FRYL: variants seen among roughly 807,000 people sequenced by gnomAD.
FRYL encodes FRY like transcription coactivator.
FRYL carries 150 observed loss-of-function variants against 351.2 expected under a neutral mutation model. The ratio of observed to expected loss-of-function variants is 0.43; its 90% CI spans 0.37 to 0.49. The LOEUF (loss-of-function observed/expected upper bound fraction) is 0.49, where lower values mean the gene tolerates loss of function less well. Ranked by LOEUF, FRYL falls within the 20% of genes least tolerant of loss-of-function variation. FRYL has a pLI of 0.00. For synonymous variants in FRYL, 1,153 were observed against 1,257.1 expected, an observed-to-expected ratio of 0.92 and a Z score of 1.75; for missense variants, 3,036 against 3,619.3, an observed-to-expected ratio of 0.84 and a Z score of 4.13.
At chr4:48,744,085 T>A (rs1316580727) in intron 1 of FRYL, among the ~76,000 whole-genome samples, 1 of 152,144 alleles carries the variant, frequency 6.6e-6, no homozygotes, top group Non-Finnish European at 1.5e-5. Context: ...GGTCAGTAAA[T>A]GTATTTACTA....
chr4:48,647,758 A>G (rs776586), intron 3 of FRYL, among the ~76,000 whole-genome samples: 144,239 of 152,272 alleles, frequency 0.95, 68,426 homozygotes, highest in South Asian at 0.98. Context: ...ATCATGAAAA[A>G]TTCACGTTGT....
At chr4:48,583,402 C>T (rs574879467) in intron 19 of FRYL, among the ~76,000 whole-genome samples, 8 of 152,212 alleles carry the variant, frequency 5.3e-5, no homozygotes, top group South Asian at 2.1e-4. Flanking sequence ...CTGCCCGCCT[C>T]GGCCTCCCAA....
At chr4:48,556,919 C>G (rs1482042456) in intron 35 of FRYL, 59 bp downstream of exon 35, 1 of 1,404,208 alleles carries the variant, frequency 7.1e-7, no homozygotes, top group Admixed American at 2.0e-5. Context: ...ACTCTGACAT[C>G]ACAAGATACT....
chr4:48,717,467 G>C (rs1174035272), intron 1 of FRYL, among the ~76,000 whole-genome samples: 1 of 151,460 alleles, frequency 6.6e-6, no homozygotes, highest in Non-Finnish European at 1.5e-5. Flanking sequence ...TTCTTTCAGA[G>C]GGTGATGAAA....
At chr4:48,708,571 G>T (rs1334371554) in intron 2 of FRYL, among the ~76,000 whole-genome samples, 1 of 152,126 alleles carries the variant, frequency 6.6e-6, no homozygotes, top group Non-Finnish European at 1.5e-5. Context: ...GTATATATCC[G>T]CAAGGTTATG....
At chr4:48,628,756 T>C (rs945445999) in intron 4 of FRYL, among the ~76,000 whole-genome samples, 1 of 152,076 alleles carries the variant, frequency 6.6e-6, no homozygotes, top group Non-Finnish European at 1.5e-5. Context: ...GATCACCATA[T>C]GTATTACCAC....
chr4:48,638,022 C>T (rs1367432166), intron 3 of FRYL: 2 of 151,944 alleles, frequency 1.3e-5, no homozygotes, highest in Non-Finnish European at 2.9e-5. Context: ...TCAAAATACA[C>T]ACTAGTTCTC....
intron 11 of FRYL, among the ~76,000 whole-genome samples, chr4:48,604,464 CAT>C (rs1329874582): frequency 6.6e-6 from 1 of 152,242 alleles, no homozygotes. Flanking sequence ...CCCTAATCCA[CAT>C]GACTGGTGTC....
chr4:48,725,446 A>T (rs1769973058), intron 1 of FRYL, among the ~76,000 whole-genome samples: 1 of 152,208 alleles, frequency 6.6e-6, no homozygotes, highest in Non-Finnish European at 1.5e-5. Context: ...GTATCCCCTT[A>T]TCCAGGTTTC....
chr4:48,743,889 C>T (rs1435770579), intron 1 of FRYL, among the ~76,000 whole-genome samples: 5 of 152,206 alleles, frequency 3.3e-5, no homozygotes, highest in Admixed American at 6.5e-5. Context: ...CAAGCCTCCA[C>T]TATCACTTGG....
chr4:48,525,520 G>C (rs536001867), intron 53 of FRYL, among the ~76,000 whole-genome samples: 2 of 152,284 alleles, frequency 1.3e-5, no homozygotes, highest in South Asian at 4.1e-4. Context: ...GTGTGATACG[G>C]GAGAGTGCAT....
At position 48,609,827 on chromosome 4, in the gene FRYL, G is replaced by C. The variant is rs946201571; in HGVS notation, c.412-4C>G. ...CGGGTACAGGATGAACAGGAATCTAGAATTTAAAAAAATTATCAAGTAAGA... is the reference window on the plus strand; with the variant it reads ...CGGGTACAGGATGAACAGGAATCTACAATTTAAAAAAATTATCAAGTAAGA... On this transcript the variant is annotated splice_polypyrimidine_tract_variant and splice_region_variant and intron_variant, in intron 7 of 63. Coordinates refer to ENST00000358350, the MANE Select transcript of FRYL (RefSeq NM_015030.2). 1.3e-6 allele frequency: 2 copies of C among 1,540,000 alleles called. No homozygotes were observed. The highest frequency in any genetic ancestry group is 1.4e-5 in the African/African-American group (1 of 72,464).
intron 49 of FRYL, 109 bp from the exon 50 acceptor site, chr4:48,531,462 AATT>A (rs1169221032): frequency 1.4e-6 from 1 of 706,208 alleles, no homozygotes; most frequent in Non-Finnish European, 2.4e-6. Context: ...TACTTGTAAA[AATT>A]ATTCATTTTG....
At chr4:48,534,835 A>G in intron 48 of FRYL, 150 bp from the exon 49 acceptor site, 1 of 543,796 alleles carries the variant, frequency 1.8e-6, no homozygotes, top group Non-Finnish European at 3.2e-6. Flanking sequence ...ATAAAGTGAA[A>G]GGCAGAGTCT....
chr4:48,665,791 C>CGG (rs1452052245), intron 3 of FRYL, among the ~76,000 whole-genome samples: 2 of 152,150 alleles, frequency 1.3e-5, no homozygotes, highest in Non-Finnish European at 2.9e-5. Flanking sequence ...CCAGGGTGTA[C>CGG]GGAGACCTCT....
chr4:48,571,793 G>A, intron 26 of FRYL: 1 of 977,890 alleles, frequency 1.0e-6, no homozygotes, highest in Non-Finnish European at 1.2e-6. Flanking sequence ...AGTTTGGTTG[G>A]CCTGTTTTCA....
chr4:48,594,689 T>A (rs1212712801), intron 15 of FRYL, among the ~76,000 whole-genome samples: 1 of 152,214 alleles, frequency 6.6e-6, no homozygotes, highest in Non-Finnish European at 1.5e-5. Flanking sequence ...TTCTTCACTG[T>A]CAAAAATAAT....
rs1739540704 is a variant in FRYL at position 48,576,113 on chromosome 4, A to T, written c.2638T>A (p.Ser880Thr). 1.2e-6 allele frequency: 2 copies of T among 1,613,920 alleles called. No homozygotes were observed. Among genetic ancestry groups the T allele is most frequent in the South Asian group, 2.2e-5 (2 of 91,070 alleles). The change falls in exon 24 of 64, where the codon TCC becomes ACC. Residue 880 changes from serine (S) to threonine (T), a missense_variant. Coordinates refer to ENST00000358350, the MANE Select transcript of FRYL (RefSeq NM_015030.2). ...LCCSAATSSSSTSAGSVRCSP... is the reference protein window; with the variant it reads ...LCCSAATSSSTTSAGSVRCSP... ...CATCTCACAGAACCTGCAGATGTGG[A>T]AGATGACGATGTTGCTGCACTGCAG... is the stretch of plus-strand genomic sequence containing the variant.
chr4:48,718,189 G>T (rs1318867923), intron 1 of FRYL, among the ~76,000 whole-genome samples: 1 of 151,470 alleles, frequency 6.6e-6, no homozygotes, highest in Non-Finnish European at 1.5e-5. Context: ...TATGTCTGTT[G>T]TATTTACTAT....
Sources: allele counts gnomAD v4.1 joint callset (sites outside exome capture counted in the v4.1 genomes callset), GRCh38; gene constraint gnomAD v4.1.1; transcripts MANE v1.5; gene names NCBI Gene and HGNC (gene_info 2026-07-23, HGNC 2026-07-21).